ASIC2: variants seen among roughly 807,000 people sequenced by gnomAD.
ASIC2 encodes the protein acid-sensing ion channel 2.
A neutral mutation model predicts 57.3 loss-of-function variants in ASIC2; 25 were observed. The ratio of observed to expected loss-of-function variants is 0.44; its 90% confidence interval spans 0.32 to 0.61. ASIC2 has a LOEUF of 0.61. ASIC2 is among the 20% of genes least tolerant of loss of function. The probability of loss-of-function intolerance (pLI) is 0.06; values close to 1 mark genes in which losing one functional copy is unlikely to be tolerated. For missense variants in ASIC2, 641 were observed against 738.1 expected (o/e 0.87, Z 1.52); for synonymous variants, 319 against 307.5 (o/e 1.04, Z -0.39).
chr17:33,975,484 G>T (rs1567775450), intron 1 of ASIC2, among the ~76,000 whole-genome samples: 1 of 151,914 alleles, frequency 6.6e-6, no homozygotes, highest in Non-Finnish European at 1.5e-5. Flanking sequence ...CAGAGCCAAA[G>T]ACATGAACAG....
chr17:33,632,018 G>A (rs1436670553), intron 1 of ASIC2, among the ~76,000 whole-genome samples: 1 of 152,158 alleles, frequency 6.6e-6, no homozygotes, highest in African/African-American at 2.4e-5. Context: ...CAGAAAAGGA[G>A]GCAGCATGGC....
At chr17:33,564,729 T>A (rs960418495) in intron 1 of ASIC2, among the ~76,000 whole-genome samples, 11 of 152,198 alleles carry the variant, frequency 7.2e-5, no homozygotes, top group African/African-American at 1.4e-4. Context: ...TGCAGCACTG[T>A]AACATGTTCA....
chr17:33,392,611 CT>C (rs1452832661), intron 1 of ASIC2, among the ~76,000 whole-genome samples: 1 of 152,082 alleles, frequency 6.6e-6, no homozygotes, highest in African/African-American at 2.4e-5. Context: ...ACCTCCTCCC[CT>C]CTCTCCTGTC....
rs965359285 is a variant in ASIC2 at position 33,830,154 on chromosome 17, A to AT, written c.555+325823dup. Among the ~76,000 whole-genome samples, 461 of 151,718 alleles carry AT rather than the reference A, an allele frequency of 3.0e-3. 1 individual carries two copies. Among genetic ancestry groups the AT allele is most frequent in the African/African-American group, 8.5e-3 (352 of 41,390 alleles). On this transcript the variant is annotated intron_variant, in intron 1 of 9. Transcript: ENST00000359872. ...TTAAGCTGAAATCTGGCTTCCTCAG[A>AT]TTTTTTTTTCTTGGCTTGTAACTAA...
chr17:33,249,465 G>A (rs1464476496), intron 1 of ASIC2, among the ~76,000 whole-genome samples: 2 of 152,156 alleles, frequency 1.3e-5, no homozygotes, highest in African/African-American at 4.8e-5. Flanking sequence ...GAAGGGAACT[G>A]AGGACTGAGT....
intron 1 of ASIC2, among the ~76,000 whole-genome samples, chr17:33,138,544 G>C (rs762281944): frequency 6.6e-6 from 1 of 152,130 alleles, no homozygotes; most frequent in Non-Finnish European, 1.5e-5. Flanking sequence ...CCAAGAATTT[G>C]ACCATTGCCC....
At chr17:33,917,963 GCACA>G (rs35792828) in intron 1 of ASIC2, among the ~76,000 whole-genome samples, 5,006 of 138,428 alleles carry the variant, frequency 0.036, 268 homozygotes, top group East Asian at 0.3. Context: ...ACGTGCATGT[GCACA>G]CACACACACA....
At chr17:33,931,422 A>G (rs1915929089) in intron 1 of ASIC2, 1 of 152,176 alleles carries the variant, frequency 6.6e-6, no homozygotes, top group Admixed American at 6.5e-5. Context: ...ATTTTTAACT[A>G]CCAGGCCTGA....
Position 33,291,862 on chromosome 17 carries a change from C to T in ASIC2, c.254G>A (p.Arg85Gln). The change falls in exon 1 of 10, where the codon CGG becomes CAG. Residue 85 changes from arginine (R) to glutamine (Q), a missense_variant. Coordinates refer to ENST00000225823, the MANE Select transcript of ASIC2 (RefSeq NM_183377.2). ...GRTAAGGSFQ[R>Q]RALWVLAFCT... ...GAAGGCCAGCACCCACAGCGCCCGC[C>T]GCTGGAAGGAGCCCCCAGCCGCCGT... 1 of 1,609,046 alleles carries T rather than the reference C, an allele frequency of 6.2e-7. No individual in the cohort carries two copies. Among genetic ancestry groups the T allele is most frequent in the Non-Finnish European group, 8.5e-7 (1 of 1,179,496 alleles).
In ASIC2 at chr17:33,803,586, C is replaced by CTT. The variant is rs961357779; in HGVS notation, c.555+352390_555+352391dup. Among the ~76,000 whole-genome samples, 456 of 96,866 alleles carry CTT rather than the reference C, an allele frequency of 4.7e-3. 1 individual carries two copies. Among genetic ancestry groups the CTT allele is most frequent in the East Asian group, 0.017 (58 of 3,504 alleles). 63.5% of individuals were successfully genotyped at this position (96,866 alleles called of 152,430 possible). ...GTTAAGACCAACACATTTCCCTTTT[C>CTT]TTTTTTTTTTTTTTTTTTTTTTTAA... On this transcript the variant is annotated intron_variant, in intron 1 of 9. Transcript: ENST00000359872.
intron 1 of ASIC2, among the ~76,000 whole-genome samples, chr17:33,939,554 C>T (rs1000347935): frequency 6.6e-6 from 1 of 152,140 alleles, no homozygotes; most frequent in Non-Finnish European, 1.5e-5. Context: ...GTGAATGAAT[C>T]AAGAAAATGC....
chr17:33,669,041 G>C (rs1373689060), intron 1 of ASIC2, among the ~76,000 whole-genome samples: 3 of 152,208 alleles, frequency 2.0e-5, no homozygotes, highest in Non-Finnish European at 4.4e-5. Flanking sequence ...TCTAGCATGG[G>C]CCCTGCATCC....
chr17:33,776,271 C>T (rs550960550), intron 1 of ASIC2, among the ~76,000 whole-genome samples: 4 of 152,258 alleles, frequency 2.6e-5, no homozygotes, highest in African/African-American at 4.8e-5. Flanking sequence ...GTGAAACCCT[C>T]ATAATTGGGA....
intron 1 of ASIC2, among the ~76,000 whole-genome samples, chr17:33,235,847 T>A (rs1426839316): frequency 6.6e-6 from 1 of 152,122 alleles, no homozygotes; most frequent in African/African-American, 2.4e-5. Context: ...TTATTATTAT[T>A]TTTTTTGAGA....
At chr17:33,404,519 G>C (rs1910398558) in intron 1 of ASIC2, among the ~76,000 whole-genome samples, 1 of 152,200 alleles carries the variant, frequency 6.6e-6, no homozygotes, top group Non-Finnish European at 1.5e-5. Context: ...TCTGGACAGA[G>C]GAGCAACATC....
At chr17:33,818,147 C>T (rs1014611010) in intron 1 of ASIC2, among the ~76,000 whole-genome samples, 2 of 152,106 alleles carry the variant, frequency 1.3e-5, no homozygotes, top group African/African-American at 4.8e-5. Flanking sequence ...ATAGACTCCA[C>T]CTCTTGATGA....
At chr17:33,953,854 C>G (rs1359145928) in intron 1 of ASIC2, among the ~76,000 whole-genome samples, 1 of 152,006 alleles carries the variant, frequency 6.6e-6, no homozygotes, top group Non-Finnish European at 1.5e-5. Flanking sequence ...GAGGAAGGAT[C>G]AAGAATAGAA....
intron 3 of ASIC2, among the ~76,000 whole-genome samples, chr17:33,071,590 C>T (rs2092069360): frequency 6.6e-6 from 1 of 152,176 alleles, no homozygotes; most frequent in Non-Finnish European, 1.5e-5. Context: ...TGCTTCTTTG[C>T]ATGCCAATCA....
intron 2 of ASIC2, among the ~76,000 whole-genome samples, chr17:33,102,799 T>C (rs1258998308): frequency 6.6e-6 from 1 of 152,214 alleles, no homozygotes; most frequent in Non-Finnish European, 1.5e-5. Flanking sequence ...TATTTATTTA[T>C]TTGAGATGGA....
Sources: gnomAD v4.1 joint callset for allele counts (sites outside exome capture counted in the v4.1 genomes callset) on GRCh38, gnomAD v4.1.1 for gene constraint, MANE v1.5 for transcripts, NCBI Gene and HGNC (gene_info 2026-07-23, HGNC 2026-07-21) for gene names.